Variants in POFUT1 observed in about 807,000 individuals in gnomAD.
POFUT1 encodes the protein protein O-fucosyltransferase 1, also known as GDP-fucose protein O-fucosyltransferase 1.
A neutral mutation model predicts 42.4 loss-of-function variants in POFUT1; 16 were observed. That is an observed-to-expected ratio of 0.38 (90% confidence interval 0.26 to 0.57). The LOEUF is 0.57. Ranked by LOEUF, POFUT1 falls within the 20% of genes least tolerant of loss-of-function variation. The pLI, the probability that POFUT1 is intolerant of heterozygous loss-of-function variation, is 0.71. For synonymous variants in POFUT1, 206 were observed against 205.4 expected, an observed-to-expected ratio of 1.00 and a Z score of -0.03; for missense variants, 470 against 504.6, an observed-to-expected ratio of 0.93 and a Z score of 0.66.
chr20:32,222,315 A>G (rs561427723), intron 4 of POFUT1, among the ~76,000 whole-genome samples: 2 of 152,244 alleles, frequency 1.3e-5, no homozygotes, highest in East Asian at 3.9e-4. Flanking sequence ...AAAAAGAGAA[A>G]AAGAATCAGG....
intron 4 of POFUT1, chr20:32,223,463 C>A: frequency 1.0e-6 from 1 of 985,354 alleles, no homozygotes; most frequent in Non-Finnish European, 1.2e-6. Flanking sequence ...TGGAATTCAC[C>A]GAAGGTTGGC....
Position 32,210,060 on chromosome 20 carries a change from A to G in POFUT1, c.125-11A>G, listed in dbSNP as rs2122561322. ...CCAGGCCTCACCTCACCCGCAATGT[A>G]CCATTTCCAGGGCGCTTTGGGAACC... is the stretch of plus-strand genomic sequence containing the variant. On this transcript the variant is annotated splice_polypyrimidine_tract_variant and intron_variant, in intron 1 of 6. Transcript: ENST00000375749. 1 of 1,614,010 alleles carries G rather than the reference A, an allele frequency of 6.2e-7. No individual in the cohort carries two copies. The highest frequency in any genetic ancestry group is 1.7e-5 in the Admixed American group (1 of 60,018).
chr20:32,208,358 C>T lies in POFUT1; in HGVS notation c.124+293C>T, dbSNP rs560096730. Reference sequence around the variant, plus strand: ...GAGTTAGTGGGGCAGGACTTGATGTCACTGACCCACGCTGGCTCCTGGTGA... The same window carrying T: ...GAGTTAGTGGGGCAGGACTTGATGTTACTGACCCACGCTGGCTCCTGGTGA... On this transcript the variant is annotated intron_variant, in intron 1 of 6. Coordinates refer to ENST00000375749, the MANE Select transcript of POFUT1 (RefSeq NM_015352.2). 8.5e-5 allele frequency among the ~76,000 whole-genome samples: 13 copies of T among 152,236 alleles called. No homozygotes were observed. In the South Asian group the frequency reaches 2.5e-3, roughly 29 times the overall value.
chr20:32,225,435 C>T (rs1284159009), intron 4 of POFUT1, among the ~76,000 whole-genome samples: 3 of 152,196 alleles, frequency 2.0e-5, no homozygotes, highest in Non-Finnish European at 2.9e-5. Flanking sequence ...GATCCACCTA[C>T]CTTGGCTTCC....
Position 32,231,153 on chromosome 20 carries a change from C to G in POFUT1, c.978+92C>G. 7.0e-6 allele frequency: 10 copies of G among 1,421,800 alleles called. No homozygotes were observed. The South Asian group carries it at 1.1e-4, about 16-fold the overall frequency. 88.1% of individuals were successfully genotyped at this position (1,421,800 alleles called of 1,614,324 possible). A position where few individuals can be genotyped will look rare whatever the true frequency, so the allele number is the denominator to read the frequency against. On this transcript the variant is annotated intron_variant, in intron 6 of 6. Transcript: ENST00000375749. ...GCCCACTGCATGCTTCACGGGCTCCCCTACAAGCCTTTTGCCTGGACCTAC... is the reference window on the plus strand; with the variant it reads ...GCCCACTGCATGCTTCACGGGCTCCGCTACAAGCCTTTTGCCTGGACCTAC...
Position 32,218,357 on chromosome 20 carries a change from T to C in POFUT1, c.542+1636T>C, listed in dbSNP as rs558523480. Among the ~76,000 whole-genome samples the C allele has an allele frequency of 2.6e-5, 4 of 152,298 alleles. No homozygotes were observed. The South Asian group carries it at 8.3e-4, about 32-fold the overall frequency. On this transcript the variant is annotated intron_variant, in intron 4 of 6. Coordinates refer to ENST00000375749, the MANE Select transcript of POFUT1 (RefSeq NM_015352.2). ...TCTTGCTATGTTGCCCAGGCTGGTC[T>C]TAAACTCCTGGCCTCAAGTGATCCT...
At chr20:32,226,231 T>A (rs1352977371) in intron 4 of POFUT1, among the ~76,000 whole-genome samples, 2 of 152,230 alleles carry the variant, frequency 1.3e-5, no homozygotes, top group African/African-American at 4.8e-5. Context: ...TTGAAATATT[T>A]CATAGTTTTT....
intron 3 of POFUT1, among the ~76,000 whole-genome samples, chr20:32,216,160 T>C (rs2047358996): frequency 6.6e-6 from 1 of 152,206 alleles, no homozygotes; most frequent in Non-Finnish European, 1.5e-5. Flanking sequence ...AACTATGAAA[T>C]TTGAGAAAGG....
chr20:32,223,563 C>G, intron 4 of POFUT1: 1 of 985,448 alleles, frequency 1.0e-6, no homozygotes, highest in Non-Finnish European at 1.2e-6. Flanking sequence ...GAGATCTACT[C>G]TGGCTTTCCT....
At chr20:32,212,105 G>A (rs2047332307) in intron 2 of POFUT1, among the ~76,000 whole-genome samples, 1 of 152,138 alleles carries the variant, frequency 6.6e-6, no homozygotes, top group Non-Finnish European at 1.5e-5. Flanking sequence ...GATGAGTGCA[G>A]TACCTAGCAC....
Position 32,234,732 on chromosome 20 carries a change from T to G in POFUT1, c.*71T>G. Reference sequence around the variant, plus strand: ...CTGAGCTGGTCCTTCCAGCCAGGCCTGGCAGCCAGAGGTGCTCCGGGATTG... The same window carrying G: ...CTGAGCTGGTCCTTCCAGCCAGGCCGGGCAGCCAGAGGTGCTCCGGGATTG... On this transcript the variant is annotated 3_prime_UTR_variant, in exon 7 of 7. Coordinates refer to ENST00000375749, the MANE Select transcript of POFUT1 (RefSeq NM_015352.2). The G allele has an allele frequency of 7.1e-7, 1 of 1,401,054 alleles. No homozygotes were observed. The highest frequency in any genetic ancestry group is 1.4e-5 in the South Asian group (1 of 72,340). The allele number at this position is 1,401,054 out of a possible 1,614,324, so 86.8% of individuals were successfully genotyped here.
chr20:32,230,067 T>C (rs2047434210), intron 5 of POFUT1, among the ~76,000 whole-genome samples: 1 of 151,702 alleles, frequency 6.6e-6, no homozygotes, highest in Admixed American at 6.6e-5. Context: ...TGCGAGGCAC[T>C]GCGCCTGGTC....
At chr20:32,225,286 T>G (rs1310006636) in intron 4 of POFUT1, among the ~76,000 whole-genome samples, 1 of 148,240 alleles carries the variant, frequency 6.7e-6, no homozygotes, top group Non-Finnish European at 1.5e-5. Context: ...GTCTCACAGG[T>G]TCGCCATTCT....
At chr20:32,233,199 A>T (rs1023500742) in intron 6 of POFUT1, among the ~76,000 whole-genome samples, 1 of 152,236 alleles carries the variant, frequency 6.6e-6, no homozygotes, top group Non-Finnish European at 1.5e-5. Context: ...GGAAACTATA[A>T]GCAGAGATGT....
At chr20:32,233,233 G>C (rs1443216677) in intron 6 of POFUT1, among the ~76,000 whole-genome samples, 3 of 152,250 alleles carry the variant, frequency 2.0e-5, no homozygotes, top group Non-Finnish European at 1.5e-5. Context: ...GAGCAGCAGG[G>C]TTCTGTGAGA....
At position 32,207,951 on chromosome 20, in the gene POFUT1, G is replaced by T. The variant is rs749309004; in HGVS notation, c.10G>T (p.Ala4Ser). The part of the protein sequence containing the change: MGA[A>S]AWARPLSVSF... ...GGGTTCCCGGGCCGACATGGGCGCC[G>T]CCGCGTGGGCACGGCCGCTGAGCGT... The change falls in exon 1 of 7, where the codon GCC becomes TCC. Residue 4 changes from alanine to serine, a missense_variant. By Grantham distance (99) the Ala-to-Ser change is moderately conservative. Transcript: ENST00000375749. 11 of 1,588,258 alleles carry T rather than the reference G, an allele frequency of 6.9e-6. No homozygotes were observed. Among genetic ancestry groups the T allele is most frequent in the East Asian group, 6.8e-5 (3 of 43,986 alleles).
intron 5 of POFUT1, 149 bp from the exon 6 acceptor site, chr20:32,230,670 G>A (rs2047438143): frequency 3.5e-6 from 3 of 854,294 alleles, no homozygotes; most frequent in Non-Finnish European, 5.5e-6. Context: ...ACTCCAGCCT[G>A]GGTGACAGAG....
chr20:32,230,523 C>T (rs778327275), intron 5 of POFUT1, among the ~76,000 whole-genome samples: 2 of 151,642 alleles, frequency 1.3e-5, no homozygotes, highest in Non-Finnish European at 2.9e-5. Flanking sequence ...GGCAAAACTC[C>T]ATCTCTACTA....
chr20:32,216,968 A>G (rs1298733635), intron 4 of POFUT1: 4 of 1,609,332 alleles, frequency 2.5e-6, no homozygotes, highest in Non-Finnish European at 1.7e-6. Context: ...TCATAAAAAG[A>G]ACATTCTGCA....
Sources: allele counts gnomAD v4.1 joint callset (sites outside exome capture counted in the v4.1 genomes callset), GRCh38; gene constraint gnomAD v4.1.1; transcripts MANE v1.5; gene names NCBI Gene and HGNC (gene_info 2026-07-23, HGNC 2026-07-21).